The following CGGBP1 variants were observed in gnomAD, a reference collection of about 807,000 sequenced individuals.
CGGBP1 encodes CGG triplet repeat-binding protein 1.
Under a neutral mutation model 11.4 loss-of-function variants are expected in CGGBP1, and 4 were observed. The observed-to-expected ratio is 0.35, with a 90% CI of 0.17 to 0.80. The LOEUF is 0.80. CGGBP1 is among the 30% of genes least tolerant of loss of function. The pLI, the probability that CGGBP1 is intolerant of heterozygous loss-of-function variation, is 0.52. For synonymous variants in CGGBP1, 76 were observed against 74.1 expected, an observed-to-expected ratio of 1.03 and a Z score of -0.13; for missense variants, 135 against 202.1, an observed-to-expected ratio of 0.67 and a Z score of 2.01.
intron 2 of CGGBP1, among the ~76,000 whole-genome samples, chr3:88,135,857 GC>G (rs1337607554): frequency 1.3e-5 from 2 of 152,020 alleles, no homozygotes; most frequent in African/African-American, 4.8e-5. Flanking sequence ...ATTTTAGGTA[GC>G]ACCATTAAAC....
intron 2 of CGGBP1, among the ~76,000 whole-genome samples, chr3:88,124,462 T>C (rs1705962345): frequency 6.6e-6 from 1 of 152,224 alleles, no homozygotes. Flanking sequence ...TCTACTACTT[T>C]CTTCTCTCAT....
intron 2 of CGGBP1, among the ~76,000 whole-genome samples, chr3:88,066,076 A>C (rs1167842154): frequency 6.6e-6 from 1 of 152,180 alleles, no homozygotes; most frequent in Non-Finnish European, 1.5e-5. Context: ...GATTATTTTG[A>C]GTATGATGAA....
At chr3:88,069,380 C>T (rs558181173) in intron 2 of CGGBP1, among the ~76,000 whole-genome samples, 1 of 152,280 alleles carries the variant, frequency 6.6e-6, no homozygotes, top group South Asian at 2.1e-4. Context: ...CTAGATGGCG[C>T]CGCTGCACTT....
intron 2 of CGGBP1, among the ~76,000 whole-genome samples, chr3:88,073,011 A>G (rs1389955052): frequency 6.6e-6 from 1 of 152,198 alleles, no homozygotes; most frequent in Non-Finnish European, 1.5e-5. Flanking sequence ...AGGAAATAGT[A>G]TGGGGTAGGT....
In CGGBP1 at chr3:88,136,059, A is replaced by T. The variant is rs116400697; in HGVS notation, c.-229+4911T>A. On this transcript the variant is annotated intron_variant, in intron 2 of 3. Transcript: ENST00000462901. Reference sequence around the variant, plus strand: ...TTTATGGTATGCTTATTAAATAGTGAAATATCATTCAAATGCATTCTCAAA... The same window carrying T: ...TTTATGGTATGCTTATTAAATAGTGTAATATCATTCAAATGCATTCTCAAA... 4.2e-3 allele frequency among the ~76,000 whole-genome samples: 646 copies of T among 152,246 alleles called. 9 individuals are homozygous for T. The highest frequency in any genetic ancestry group is 4.1e-3 in the Non-Finnish European group (278 of 67,990).
intron 2 of CGGBP1, chr3:88,128,787 GTC>G (rs1346435327): frequency 6.8e-7 from 1 of 1,480,910 alleles, no homozygotes; most frequent in South Asian, 1.2e-5. Context: ...GAGTAATAGA[GTC>G]TGTTTTCTTT....
chr3:88,126,408 T>G, intron 2 of CGGBP1: 1 of 1,025,568 alleles, frequency 9.8e-7, no homozygotes, highest in Non-Finnish European at 1.3e-6. Flanking sequence ...ACATGAAAAG[T>G]GTTTGTTTTT....
chr3:88,056,918 T>A (rs1319459243), intron 3 of CGGBP1: 1 of 152,210 alleles, frequency 6.6e-6, no homozygotes, highest in African/African-American at 2.4e-5. Context: ...AGCACTGCAC[T>A]AAATACCAAA....
At chr3:88,145,477 A>G (rs926755343) in intron 1 of CGGBP1, among the ~76,000 whole-genome samples, 3 of 152,114 alleles carry the variant, frequency 2.0e-5, no homozygotes, top group African/African-American at 7.2e-5. Context: ...TCCATATTCA[A>G]AATAATGAAT....
At chr3:88,138,909 C>A in intron 2 of CGGBP1, 2 of 1,234,796 alleles carry the variant, frequency 1.6e-6, no homozygotes, top group Non-Finnish European at 2.0e-6. Flanking sequence ...TGTTGAAGAG[C>A]TTTACAAACG....
intron 2 of CGGBP1, among the ~76,000 whole-genome samples, chr3:88,133,945 T>C (rs2107859553): frequency 6.6e-6 from 1 of 152,192 alleles, no homozygotes; most frequent in African/African-American, 2.4e-5. Flanking sequence ...TAGGAAAAGA[T>C]TATCAGTTTT....
intron 1 of CGGBP1, chr3:88,144,294 C>G (rs934006724): frequency 6.6e-6 from 1 of 152,222 alleles, no homozygotes; most frequent in African/African-American, 2.4e-5. Flanking sequence ...TGATTCTTTT[C>G]AAATCACACT....
chr3:88,144,611 A>T (rs1260988507), intron 1 of CGGBP1: 1 of 152,382 alleles, frequency 6.6e-6, no homozygotes, highest in East Asian at 1.9e-4. Flanking sequence ...ATTTCAAGAA[A>T]TTTTTTGTAC....
intron 2 of CGGBP1, among the ~76,000 whole-genome samples, chr3:88,116,995 T>G (rs1705454186): frequency 6.6e-6 from 1 of 152,108 alleles, no homozygotes; most frequent in South Asian, 2.1e-4. Flanking sequence ...TTAAAAAAAT[T>G]TTTTCTTAAA....
rs1223530449 is a variant in CGGBP1, at chr3:88,052,626, A to G, written c.*2847T>C. ...TACTTTCAGAACAATCTCAAGCTTAATTGGTTACCATTATAAGATGCAGAA... is the reference window on the plus strand; with the variant it reads ...TACTTTCAGAACAATCTCAAGCTTAGTTGGTTACCATTATAAGATGCAGAA... On this transcript the variant is annotated 3_prime_UTR_variant, in exon 4 of 4. Coordinates refer to ENST00000482016, the MANE Select transcript of CGGBP1 (RefSeq NM_001008390.2). The G allele has an allele frequency of 2.6e-5, 4 of 152,468 alleles. No homozygotes were observed. Among genetic ancestry groups the G allele is most frequent in the African/African-American group, 9.6e-5 (4 of 41,470 alleles). 9.4% of individuals were successfully genotyped at this position (152,468 alleles called of 1,614,324 possible).
intron 2 of CGGBP1, among the ~76,000 whole-genome samples, chr3:88,089,307 T>C (rs1426861786): frequency 7.4e-5 from 11 of 149,556 alleles, no homozygotes; most frequent in African/African-American, 2.7e-4. Context: ...CTAGCCAACA[T>C]GGTGAAACCC....
At chr3:88,095,722 A>C (rs1559706577) in intron 2 of CGGBP1, 1 of 391,098 alleles carries the variant, frequency 2.6e-6, no homozygotes, top group Non-Finnish European at 4.9e-6. Flanking sequence ...CTACTTTTTG[A>C]CTTCTCCCCA....
chr3:88,137,569 A>G (rs1290707701), intron 2 of CGGBP1, among the ~76,000 whole-genome samples: 7 of 152,192 alleles, frequency 4.6e-5, no homozygotes. Context: ...AGATATTTAT[A>G]AAACAAAATT....
chr3:88,066,840 G>A (rs1163529385), intron 2 of CGGBP1, among the ~76,000 whole-genome samples: 1 of 152,128 alleles, frequency 6.6e-6, no homozygotes, highest in African/African-American at 2.4e-5. Context: ...TAAAATATGT[G>A]TCTGGTAAGA....
Sources: allele counts gnomAD v4.1 joint callset (sites outside exome capture counted in the v4.1 genomes callset), GRCh38; gene constraint gnomAD v4.1.1; transcripts MANE v1.5; gene names NCBI Gene and HGNC (gene_info 2026-07-23, HGNC 2026-07-21).